SSX2IP: variants seen among roughly 807,000 people sequenced by gnomAD.
SSX2IP encodes afadin- and alpha-actinin-binding protein.
In SSX2IP, 55 loss-of-function variants were observed where a neutral mutation model predicts 84.9. The observed-to-expected ratio is 0.65, with a 90% CI of 0.52 to 0.81. SSX2IP has a LOEUF of 0.81. Ranked by LOEUF, SSX2IP falls within the 30% of genes least tolerant of loss-of-function variation. The pLI is 0.00. For missense variants in SSX2IP, 664 were observed against 705.2 expected (o/e 0.94, Z 0.66); for synonymous variants, 239 against 234.7 (o/e 1.02, Z -0.17).
At chr1:84,669,985 T>C (rs910236537) in intron 3 of SSX2IP, 92 bp from the exon 4 acceptor site, 10 of 849,280 alleles carry the variant, frequency 1.2e-5, no homozygotes, top group Non-Finnish European at 1.8e-5. Flanking sequence ...GAAGAATAAG[T>C]TTAATAGATC....
At chr1:84,648,478 A>C (rs752891547) in intron 13 of SSX2IP, among the ~76,000 whole-genome samples, 51 of 152,186 alleles carry the variant, frequency 3.4e-4, no homozygotes, top group Non-Finnish European at 6.2e-4. Flanking sequence ...TACATACATT[A>C]ACATTTAACT....
chr1:84,648,820 C>T (rs1649812198), intron 13 of SSX2IP, among the ~76,000 whole-genome samples: 1 of 152,112 alleles, frequency 6.6e-6, no homozygotes, highest in Admixed American at 6.5e-5. Context: ...TTTCACTTCC[C>T]ATATTCAACT....
chr1:84,647,435 A>G lies in SSX2IP; in HGVS notation c.1843T>C (p.Ter615GlnextTer25). Residue 615 changes from the stop codon to glutamine, a stop_lost, in exon 14 of 14, where the codon TAG becomes CAG. Coordinates refer to ENST00000342203, the MANE Select transcript of SSX2IP (RefSeq NM_001166293.2). ...NSHVEKDDLP[*>Q] ...GAAAAAAATTCCAGTCCACATGTCT[A>G]AGGTAAGTCATCTTTTTCTACATGA... is the stretch of plus-strand genomic sequence containing the variant. The G allele has an allele frequency of 6.3e-6, 10 of 1,587,050 alleles. No homozygotes were observed. The highest frequency in any genetic ancestry group is 7.7e-6 in the Non-Finnish European group (9 of 1,166,286).
intron 11 of SSX2IP, among the ~76,000 whole-genome samples, chr1:84,654,006 G>A (rs77665560): frequency 0.062 from 9,395 of 152,126 alleles, 402 homozygotes; most frequent in South Asian, 0.095. Context: ...AACTGACCCT[G>A]AAAGGCCAGT....
At chr1:84,675,807 G>A (rs1654244007) in intron 1 of SSX2IP, among the ~76,000 whole-genome samples, 1 of 152,136 alleles carries the variant, frequency 6.6e-6, no homozygotes, top group South Asian at 2.1e-4. Flanking sequence ...TTCAGTGAAA[G>A]GCTGATCAAA....
chr1:84,652,111 C>A, intron 11 of SSX2IP, 114 bp from the exon 12 acceptor site: 1 of 736,616 alleles, frequency 1.4e-6, no homozygotes, highest in Non-Finnish European at 2.3e-6. Flanking sequence ...ATTCGTACTT[C>A]TTATGTCAAA....
At chr1:84,689,343 C>T (rs1391175017) in intron 1 of SSX2IP, among the ~76,000 whole-genome samples, 1 of 152,134 alleles carries the variant, frequency 6.6e-6, no homozygotes, top group Non-Finnish European at 1.5e-5. Flanking sequence ...TAAGCCAAAC[C>T]CCCATGAACC....
Position 84,662,548 on chromosome 1 carries a change from T to A in SSX2IP, c.674-18A>T, listed in dbSNP as rs1652177166. The A allele has an allele frequency of 6.2e-7, 1 of 1,612,142 alleles. No individual in the cohort carries two copies. The highest frequency in any genetic ancestry group is 2.2e-5 in the East Asian group (1 of 44,836). On this transcript the variant is annotated intron_variant, in intron 6 of 13. Coordinates refer to ENST00000342203, the MANE Select transcript of SSX2IP (RefSeq NM_001166293.2). ...GTCCATAGCTACAAACATGAACACA[T>A]AAAATTAATTCTTACCATACATGCT...
In SSX2IP at chr1:84,662,314, G is replaced by C. The variant is rs369035005; in HGVS notation, c.811C>G (p.Leu271Val). 4.4e-6 allele frequency: 7 copies of C among 1,609,166 alleles called. No homozygotes were observed. The African/African-American group carries it at 9.4e-5, about 22-fold the overall frequency. The change falls in exon 8 of 14, where the codon CTA becomes GTA. Residue 271 changes from leucine (L) to valine (V), a missense_variant. Transcript: ENST00000342203. ...NDYEYRQKQI[L>V]MENAELKKVL... Reference sequence around the variant, plus strand: ...TTCTTAAGTTCTGCATTTTCCATTAGGATTTGTTTCTGACGATATTCATAA... The same window carrying C: ...TTCTTAAGTTCTGCATTTTCCATTACGATTTGTTTCTGACGATATTCATAA...
intron 4 of SSX2IP, among the ~76,000 whole-genome samples, chr1:84,668,609 TC>T (rs1557502524): frequency 6.6e-6 from 1 of 152,090 alleles, no homozygotes; most frequent in Non-Finnish European, 1.5e-5. Context: ...TCTAAACCAA[TC>T]CCCAAGTGTT....
chr1:84,672,910 A>C (rs1246661238), intron 1 of SSX2IP, among the ~76,000 whole-genome samples: 1 of 152,180 alleles, frequency 6.6e-6, no homozygotes, highest in Non-Finnish European at 1.5e-5. Context: ...CTGTAATCCC[A>C]GCTACTCAAG....
chr1:84,671,483 T>C (rs1169507356), intron 1 of SSX2IP, among the ~76,000 whole-genome samples, 175 bp from the exon 2 acceptor site: 1 of 152,128 alleles, frequency 6.6e-6, no homozygotes, highest in African/African-American at 2.4e-5. Context: ...ATAAATAATA[T>C]GTAAGGATCA....
At position 84,650,431 on chromosome 1, in the gene SSX2IP, G is replaced by A. The variant is rs147036359; in HGVS notation, c.1601C>T (p.Thr534Ile). Reference protein sequence around the residue: ...NGSPVCMSKLTKSLPASPSTS... With the variant: ...NGSPVCMSKLIKSLPASPSTS... ...GGAAGGTGAAGCAGGAAGAGATTTA[G>A]TAAGTTTAGACATGCAAACTGGAGA... Residue 534 changes from threonine to isoleucine, a missense_variant, in exon 13 of 14, where the codon ACT becomes ATT. Physicochemically the swap from Thr to Ile is moderately conservative, Grantham distance 89 (BLOSUM62 -1). Transcript: ENST00000342203. 2.1e-5 allele frequency: 34 copies of A among 1,614,070 alleles called. No individual in the cohort carries two copies. Among genetic ancestry groups the A allele is most frequent in the Non-Finnish European group, 2.8e-5 (33 of 1,180,040 alleles).
chr1:84,647,628 G>A, intron 13 of SSX2IP, 21 bp from the exon 14 acceptor site: 1 of 1,503,850 alleles, frequency 6.6e-7, no homozygotes, highest in Non-Finnish European at 8.9e-7. Flanking sequence ...AAGAAAGGCA[G>A]ATCTTAGTGA....
chr1:84,664,212 G>T (rs376708840), intron 6 of SSX2IP, among the ~76,000 whole-genome samples: 16 of 152,124 alleles, frequency 1.1e-4, no homozygotes, highest in African/African-American at 3.9e-4. Flanking sequence ...AAAAATACAT[G>T]CAATTAAATA....
chr1:84,661,522 CTT>C (rs1334659419), intron 8 of SSX2IP, among the ~76,000 whole-genome samples: 1 of 152,094 alleles, frequency 6.6e-6, no homozygotes, highest in Non-Finnish European at 1.5e-5. Flanking sequence ...ATTGTACCAC[CTT>C]ATTACAGCAC....
Position 84,647,270 on chromosome 1 carries a change from T to C in SSX2IP, c.*163A>G, listed in dbSNP as rs1649559974. Reference sequence around the variant, plus strand: ...TCCAAAGCTTTTATATCCTTTTAAATAGATTTAAGATTTCAACTCTTTGGG... The same window carrying C: ...TCCAAAGCTTTTATATCCTTTTAAACAGATTTAAGATTTCAACTCTTTGGG... On this transcript the variant is annotated 3_prime_UTR_variant, in exon 14 of 14. Coordinates refer to ENST00000342203, the MANE Select transcript of SSX2IP (RefSeq NM_001166293.2). The C allele has an allele frequency of 1.9e-6, 1 of 517,824 alleles. No individual in the cohort carries two copies. Among genetic ancestry groups the C allele is most frequent in the Non-Finnish European group, 3.2e-6 (1 of 308,068 alleles). The allele number at this position is 517,824 out of a possible 1,614,324, so 32.1% of individuals were successfully genotyped here.
At chr1:84,668,933 A>G (rs904429880) in intron 4 of SSX2IP, among the ~76,000 whole-genome samples, 1 of 152,156 alleles carries the variant, frequency 6.6e-6, no homozygotes, top group African/African-American at 2.4e-5. Context: ...ATAGAATTGT[A>G]TATTTAGGAA....
In SSX2IP at chr1:84,680,847, C is replaced by T. The variant is rs138393695; in HGVS notation, c.-90+9524G>A. Among the ~76,000 whole-genome samples the T allele has an allele frequency of 6.5e-3, 992 of 152,062 alleles. 19 individuals are homozygous for T. Among genetic ancestry groups the T allele is most frequent in the East Asian group, 0.064 (330 of 5,174 alleles). On this transcript the variant is annotated intron_variant, in intron 1 of 13. Transcript: ENST00000342203. ...ATAACTTTTATTTTATTGTGTCTTCCAAATTTTCTATAAATGAAAGTGTTT... is the reference window on the plus strand; with the variant it reads ...ATAACTTTTATTTTATTGTGTCTTCTAAATTTTCTATAAATGAAAGTGTTT...
Sources: allele counts gnomAD v4.1 joint callset (sites outside exome capture counted in the v4.1 genomes callset), GRCh38; gene constraint gnomAD v4.1.1; transcripts MANE v1.5; gene names NCBI Gene and HGNC (gene_info 2026-07-23, HGNC 2026-07-21).